The following KCNJ3 variants were observed in gnomAD, a reference collection of about 807,000 sequenced individuals.
KCNJ3 encodes the protein G protein-activated inward rectifier potassium channel 1.
In KCNJ3, 4 loss-of-function variants were observed where a neutral mutation model predicts 39.2. That is an observed-to-expected ratio of 0.10 (90% CI 0.05 to 0.23). The LOEUF is 0.23. KCNJ3 is among the 10% of genes least tolerant of loss of function. KCNJ3 has a pLI of 1.00. For missense variants in KCNJ3, 276 were observed against 634.9 expected (o/e 0.43, Z 6.08); for synonymous variants, 230 against 237.4 (o/e 0.97, Z 0.29).
intron 2 of KCNJ3, among the ~76,000 whole-genome samples, chr2:154,769,782 T>G (rs2105195207): frequency 6.6e-6 from 1 of 152,262 alleles, no homozygotes; most frequent in Non-Finnish European, 1.5e-5. Flanking sequence ...TCTTTGTACC[T>G]CTTCTTTACC....
intron 2 of KCNJ3, among the ~76,000 whole-genome samples, chr2:154,749,508 A>G (rs1685801838): frequency 6.6e-6 from 1 of 152,104 alleles, no homozygotes; most frequent in African/African-American, 2.4e-5. Flanking sequence ...ATAATTTTGC[A>G]TAGGCATAAC....
chr2:154,794,708 C>T (rs548857652), intron 2 of KCNJ3, among the ~76,000 whole-genome samples: 68 of 152,092 alleles, frequency 4.5e-4, no homozygotes, highest in South Asian at 2.9e-3. Flanking sequence ...TTGATGAATA[C>T]TTCCATTTAT....
intron 2 of KCNJ3, among the ~76,000 whole-genome samples, chr2:154,804,536 C>T (rs1686877082): frequency 6.6e-6 from 1 of 152,114 alleles, no homozygotes; most frequent in African/African-American, 2.4e-5. Context: ...CAGAAGCCAT[C>T]TACTGTATTC....
At chr2:154,849,931 C>T (rs745642401) in intron 2 of KCNJ3, among the ~76,000 whole-genome samples, 9 of 143,172 alleles carry the variant, frequency 6.3e-5, no homozygotes, top group Non-Finnish European at 1.0e-4. Flanking sequence ...CATACTGATA[C>T]TGGAATAAAT....
chr2:154,802,909 AG>A (rs1388101112), intron 2 of KCNJ3, among the ~76,000 whole-genome samples: 2 of 152,052 alleles, frequency 1.3e-5, no homozygotes. Flanking sequence ...TGAGTAAAAT[AG>A]TTTACAGATT....
chr2:154,770,896 T>C (rs1686229980), intron 2 of KCNJ3, among the ~76,000 whole-genome samples: 2 of 148,250 alleles, frequency 1.3e-5, no homozygotes, highest in African/African-American at 2.5e-5. Flanking sequence ...CTTTTTCTTT[T>C]TTTTTTTTTT....
At chr2:154,813,249 C>A (rs1480551024) in intron 2 of KCNJ3, among the ~76,000 whole-genome samples, 2 of 152,106 alleles carry the variant, frequency 1.3e-5, no homozygotes, top group Admixed American at 6.6e-5. Flanking sequence ...GCACAGAGAT[C>A]TTTTCTACAT....
intron 2 of KCNJ3, among the ~76,000 whole-genome samples, chr2:154,771,669 T>C (rs538117558): frequency 6.6e-6 from 1 of 152,336 alleles, no homozygotes; most frequent in East Asian, 1.9e-4. Flanking sequence ...ACAGTTGGTA[T>C]TGACTGTGTC....
At chr2:154,794,424 G>A (rs900884383) in intron 2 of KCNJ3, among the ~76,000 whole-genome samples, 1 of 151,800 alleles carries the variant, frequency 6.6e-6, no homozygotes. Context: ...ATTTCAAAAC[G>A]TTTGATTTGT....
chr2:154,801,119 T>C (rs1188297537), intron 2 of KCNJ3, among the ~76,000 whole-genome samples: 1 of 152,206 alleles, frequency 6.6e-6, no homozygotes, highest in Non-Finnish European at 1.5e-5. Flanking sequence ...TAAAACCCAC[T>C]TTGACTGACC....
rs1687816212 is a variant in KCNJ3 at position 154,855,193 on chromosome 2, C to A, written c.1386C>A (p.Pro462=). 1 of 1,613,720 alleles carries A rather than the reference C, an allele frequency of 6.2e-7. No homozygotes were observed. The highest frequency in any genetic ancestry group is 8.5e-7 in the Non-Finnish European group (1 of 1,179,906). Residue 462 remains proline (P), a synonymous_variant, in exon 3 of 3, where the codon CCC becomes CCA. Transcript: ENST00000295101. ...VSKTTKMLSD[P]MSQSVADLPP... ...AAACCACCAAGATGTTATCTGATCC[C>A]ATGAGCCAGTCTGTGGCTGATTTGC...
intron 2 of KCNJ3, among the ~76,000 whole-genome samples, chr2:154,765,205 C>T (rs1043507925): frequency 3.3e-5 from 5 of 152,144 alleles, no homozygotes; most frequent in African/African-American, 4.8e-5. Flanking sequence ...GGAGCAAACT[C>T]ACCTTCGATT....
intron 2 of KCNJ3, among the ~76,000 whole-genome samples, chr2:154,768,747 G>A (rs1686180014): frequency 6.6e-6 from 1 of 152,174 alleles, no homozygotes; most frequent in South Asian, 2.1e-4. Context: ...GCTTGATGGG[G>A]ATGGCATTGA....
chr2:154,829,013 T>G (rs991500087), intron 2 of KCNJ3, among the ~76,000 whole-genome samples: 1 of 152,220 alleles, frequency 6.6e-6, no homozygotes, highest in African/African-American at 2.4e-5. Context: ...ATATCTGCTG[T>G]ACCATCTTGA....
intron 2 of KCNJ3, among the ~76,000 whole-genome samples, chr2:154,778,235 GA>G (rs35439943): frequency 3.4e-4 from 51 of 150,980 alleles, no homozygotes; most frequent in African/African-American, 1.2e-3. Flanking sequence ...CTCATATTTT[GA>G]AAAAAAAATT....
intron 2 of KCNJ3, among the ~76,000 whole-genome samples, chr2:154,711,259 C>T (rs1486396699): frequency 2.6e-5 from 4 of 152,030 alleles, no homozygotes; most frequent in Admixed American, 2.6e-4. Context: ...GAAATCTTTA[C>T]ATTTCCATTT....
In KCNJ3 at chr2:154,857,726, C is replaced by G. The variant is rs1687862858; in HGVS notation, c.*2413C>G. 1 of 150,742 alleles carries G rather than the reference C, an allele frequency of 6.6e-6. No individual in the cohort carries two copies. The highest frequency in any genetic ancestry group is 1.5e-5 in the Non-Finnish European group (1 of 67,696). The allele number at this position is 150,742 out of a possible 1,614,324, so 9.3% of individuals were successfully genotyped here. A position where few individuals can be genotyped will look rare whatever the true frequency, so the allele number is the denominator to read the frequency against. On this transcript the variant is annotated 3_prime_UTR_variant, in exon 3 of 3. Coordinates refer to ENST00000295101, the MANE Select transcript of KCNJ3 (RefSeq NM_002239.4). ...TGAAAACCCGTCTCTACTAAAAATA[C>G]AAAAATTAACTGGGCATGGTGGCAG...
At chr2:154,778,758 T>A (rs1303759307) in intron 2 of KCNJ3, among the ~76,000 whole-genome samples, 1 of 152,158 alleles carries the variant, frequency 6.6e-6, no homozygotes, top group African/African-American at 2.4e-5. Flanking sequence ...ATAGTTGAGA[T>A]TGGGAATAAT....
intron 1 of KCNJ3, among the ~76,000 whole-genome samples, chr2:154,703,263 AT>A (rs1684941681): frequency 6.6e-6 from 1 of 152,100 alleles, no homozygotes; most frequent in South Asian, 2.1e-4. Flanking sequence ...TTGCATTCAT[AT>A]TTTGAAACAA....
Sources: allele counts gnomAD v4.1 joint callset (sites outside exome capture counted in the v4.1 genomes callset), GRCh38; gene constraint gnomAD v4.1.1; transcripts MANE v1.5; gene names NCBI Gene and HGNC (gene_info 2026-07-23, HGNC 2026-07-21).